The following CHRNA1 variants were observed in gnomAD, a reference collection of about 807,000 sequenced individuals.
CHRNA1 encodes cholinergic receptor nicotinic alpha 1 subunit, also known as acetylcholine receptor subunit alpha.
In CHRNA1, 35 loss-of-function variants were observed where a neutral mutation model predicts 47.1. The observed-to-expected ratio is 0.74, with a 90% CI of 0.57 to 0.99. CHRNA1 has a LOEUF of 0.99. CHRNA1 is among the 50% of genes least tolerant of loss of function. The pLI is 0.00. For missense variants in CHRNA1, 506 were observed against 591.1 expected (o/e 0.86, Z 1.49); for synonymous variants, 229 against 223.6 (o/e 1.02, Z -0.22).
At chr2:174,762,380 T>C (rs1684117170) in intron 1 of CHRNA1, among the ~76,000 whole-genome samples, 1 of 152,172 alleles carries the variant, frequency 6.6e-6, no homozygotes, top group Non-Finnish European at 1.5e-5. Flanking sequence ...TAAACAAATA[T>C]GCAAATAAAA....
rs1038443218 is a variant in CHRNA1, at chr2:174,755,838, C to T, written c.345-1424G>A. ...ATCGCTTGAGTCCATGAGTTTGAGA[C>T]CAGCCTGGCCAACAGCGAGACCTCA... On this transcript the variant is annotated intron_variant, in intron 4 of 8. Transcript: ENST00000348749. Among the ~76,000 whole-genome samples, 9 of 152,196 alleles carry T rather than the reference C, an allele frequency of 5.9e-5. No homozygotes were observed. In the South Asian group the frequency reaches 1.9e-3, roughly 32 times the overall value.
chr2:174,751,444 ATATG>A (rs1286866818), intron 6 of CHRNA1, among the ~76,000 whole-genome samples: 3 of 152,184 alleles, frequency 2.0e-5, no homozygotes, highest in Non-Finnish European at 4.4e-5. Context: ...TATATATAGA[ATATG>A]TATGTATGTA....
At chr2:174,760,124 G>A (rs1158529424) in intron 1 of CHRNA1, among the ~76,000 whole-genome samples, 1 of 152,166 alleles carries the variant, frequency 6.6e-6, no homozygotes, top group Non-Finnish European at 1.5e-5. Flanking sequence ...ACAAGGGTTG[G>A]GGAGGTTGCA....
rs770948739 is a variant in CHRNA1 at position 174,759,552 on chromosome 2, A to C, written c.125T>G (p.Val42Gly). Reference sequence around the variant, plus strand: ...CTCCACGACCTGGCGGTGGTCTTCCACTGGCCGCACCACGCTGCTGTAGTC... The same window carrying C: ...CTCCACGACCTGGCGGTGGTCTTCCCCTGGCCGCACCACGCTGCTGTAGTC... ...FKDYSSVVRP[V>G]EDHRQVVEVT... The change falls in exon 2 of 9, where the codon GTG becomes GGG. Residue 42 changes from valine to glycine, a missense_variant. Physicochemically the swap from Val to Gly is moderately radical, Grantham distance 109. Transcript: ENST00000348749. 2 of 1,613,962 alleles carry C rather than the reference A, an allele frequency of 1.2e-6. No homozygotes were observed. Among genetic ancestry groups the C allele is most frequent in the South Asian group, 2.2e-5 (2 of 91,068 alleles).
intron 4 of CHRNA1, among the ~76,000 whole-genome samples, chr2:174,755,613 T>C (rs1683967334): frequency 6.6e-6 from 1 of 151,944 alleles, no homozygotes; most frequent in South Asian, 2.1e-4. Context: ...AGAGACGGGG[T>C]TTCACCATGT....
chr2:174,752,379 C>T (rs1683872102), intron 6 of CHRNA1, among the ~76,000 whole-genome samples: 1 of 151,990 alleles, frequency 6.6e-6, no homozygotes, highest in African/African-American at 2.4e-5. Context: ...AGACTGGCCT[C>T]GGCAACATGG....
intron 1 of CHRNA1, 142 bp from the exon 2 acceptor site, chr2:174,759,775 C>T (rs1348445184): frequency 1.8e-6 from 2 of 1,087,728 alleles, no homozygotes; most frequent in Non-Finnish European, 2.7e-6. Context: ...GAAAGGCTCC[C>T]AAATGCAGCA....
chr2:174,749,584 CCAGCAAAAAATAAGCCAGTCTGTTCA>C (rs1683804672), intron 7 of CHRNA1, among the ~76,000 whole-genome samples: 1 of 152,280 alleles, frequency 6.6e-6, no homozygotes, highest in Admixed American at 6.5e-5. Context: ...GATGATTTCA[CCAGCAAAAAATAAGCCAGTCTGTTCA>C]CAGATTGGAA....
At chr2:174,761,266 A>G (rs1416152944) in intron 1 of CHRNA1, among the ~76,000 whole-genome samples, 3 of 152,106 alleles carry the variant, frequency 2.0e-5, no homozygotes, top group Non-Finnish European at 4.4e-5. Context: ...AAGTAGACAC[A>G]TGATACATTT....
intron 4 of CHRNA1, among the ~76,000 whole-genome samples, chr2:174,756,912 G>C (rs1683989944): frequency 6.6e-6 from 1 of 152,132 alleles, no homozygotes; most frequent in African/African-American, 2.4e-5. Flanking sequence ...AGCATTTCCT[G>C]ACAAATGAAG....
chr2:174,758,137 G>A (rs1684020223), intron 3 of CHRNA1: 1 of 1,473,442 alleles, frequency 6.8e-7, no homozygotes, highest in Admixed American at 1.7e-5. Flanking sequence ...GTCTGGGCAT[G>A]GTGGCTCATG....
chr2:174,752,950 G>T (rs2646173), intron 6 of CHRNA1: 148,104 of 171,508 alleles, frequency 0.86, 65,422 homozygotes, highest in East Asian at 1. Flanking sequence ...GTCACAGATA[G>T]GATTACTCAG....
chr2:174,749,452 T>A (rs1683802596), intron 7 of CHRNA1, among the ~76,000 whole-genome samples: 1 of 152,056 alleles, frequency 6.6e-6, no homozygotes, highest in South Asian at 2.1e-4. Context: ...AAATGTTAAA[T>A]TTTTAAATTC....
At chr2:174,762,402 G>A (rs2105354034) in intron 1 of CHRNA1, among the ~76,000 whole-genome samples, 1 of 152,256 alleles carries the variant, frequency 6.6e-6, no homozygotes, top group South Asian at 2.1e-4. Context: ...ATTAAATAAT[G>A]TCAAATTCCC....
chr2:174,755,727 T>C (rs1683970124), intron 4 of CHRNA1, among the ~76,000 whole-genome samples: 1 of 152,168 alleles, frequency 6.6e-6, no homozygotes, highest in African/African-American at 2.4e-5. Flanking sequence ...AAACGTAGAT[T>C]TTTTTAAATC....
In CHRNA1 at chr2:174,753,755, G is replaced by C. The variant is rs571098006; in HGVS notation, c.541-15C>G. On this transcript the variant is annotated splice_polypyrimidine_tract_variant and intron_variant, in intron 5 of 8. Transcript: ENST00000348749. ...TGGTCGCTTTCCTGAGAAAGGAAGT[G>C]AGGTTTGGAAATCCCAGGCAGGTCA... The C allele has an allele frequency of 6.2e-7, 1 of 1,612,978 alleles. No individual in the cohort carries two copies. The highest frequency in any genetic ancestry group is 8.5e-7 in the Non-Finnish European group (1 of 1,179,154).
chr2:174,748,403 T>A (rs1407690926), intron 8 of CHRNA1, 148 bp from the exon 9 acceptor site: 13 of 1,401,476 alleles, frequency 9.3e-6, no homozygotes, highest in Non-Finnish European at 1.3e-5. Flanking sequence ...ATTTTTTGAA[T>A]AGATTATTTA....
At position 174,748,567 on chromosome 2, in the gene CHRNA1, C is replaced by T; in HGVS notation, c.1242+13G>A. 1 of 1,609,002 alleles carries T rather than the reference C, an allele frequency of 6.2e-7. No homozygotes were observed. The highest frequency in any genetic ancestry group is 1.3e-5 in the African/African-American group (1 of 74,894). On this transcript the variant is annotated intron_variant, in intron 8 of 8. Transcript: ENST00000348749. ...TAAACCCAGAGGCATGAATTTCAAGCCACGAAGCTTACATTGTTAGACTCC... is the reference window on the plus strand; with the variant it reads ...TAAACCCAGAGGCATGAATTTCAAGTCACGAAGCTTACATTGTTAGACTCC...
At chr2:174,748,337 G>C (rs1683776054) in intron 8 of CHRNA1, 82 bp from the exon 9 acceptor site, 5 of 1,576,310 alleles carry the variant, frequency 3.2e-6, no homozygotes, top group Non-Finnish European at 4.3e-6. Context: ...ATCAACTATG[G>C]GCCCTTCAAT....
Sources: allele counts gnomAD v4.1 joint callset (sites outside exome capture counted in the v4.1 genomes callset), GRCh38; gene constraint gnomAD v4.1.1; transcripts MANE v1.5; gene names NCBI Gene and HGNC (gene_info 2026-07-23, HGNC 2026-07-21).